ROBO2: variants seen among roughly 807,000 people sequenced by gnomAD.
ROBO2 encodes roundabout homolog 2.
ROBO2 carries 53 observed loss-of-function variants against 160.8 expected under a neutral mutation model. That is an observed-to-expected ratio of 0.33 (90% CI 0.26 to 0.41). The LOEUF is 0.41. Among genes scored for constraint, ROBO2 ranks in the 10% least tolerant of loss-of-function variants. The pLI is 1.00. For synonymous variants in ROBO2, 664 were observed against 611.7 expected (o/e 1.09, Z -1.26); for missense variants, 1,577 against 1,722.4 (o/e 0.92, Z 1.49).
chr3:76,232,357 A>T (rs539244532), intron 2 of ROBO2, among the ~76,000 whole-genome samples: 1 of 152,226 alleles, frequency 6.6e-6, no homozygotes, highest in Non-Finnish European at 1.5e-5. Context: ...ATTTAACTCC[A>T]TGGAGACACG....
chr3:76,657,801 T>TGTGTGTATATATATA (rs1340673511), intron 2 of ROBO2, among the ~76,000 whole-genome samples: 1 of 148,038 alleles, frequency 6.8e-6, no homozygotes, highest in Non-Finnish European at 1.5e-5. Flanking sequence ...TTCATATATA[T>TGTGTGTATATATATA]GTGTGTATAT....
At chr3:76,271,087 C>T (rs941305610) in intron 2 of ROBO2, among the ~76,000 whole-genome samples, 4 of 151,892 alleles carry the variant, frequency 2.6e-5, no homozygotes, top group African/African-American at 4.8e-5. Context: ...GTCCATCAAT[C>T]GGAAAGATGT....
At chr3:76,360,865 T>G (rs1043709990) in intron 2 of ROBO2, among the ~76,000 whole-genome samples, 2 of 151,996 alleles carry the variant, frequency 1.3e-5, no homozygotes, top group African/African-American at 4.8e-5. Flanking sequence ...ATTGTGAACA[T>G]GAGGATTAAA....
At chr3:77,558,207 G>T (rs2093195023) in intron 9 of ROBO2, 58 bp downstream of exon 10, 1 of 1,409,616 alleles carries the variant, frequency 7.1e-7, no homozygotes, top group African/African-American at 1.4e-5. Context: ...CTGCTCTATG[G>T]AAAAATTGCA....
In ROBO2 at chr3:77,313,998, C is replaced by T. The variant is rs536442662; in HGVS notation, c.389-163416C>T. Among the ~76,000 whole-genome samples, 33 of 152,340 alleles carry T rather than the reference C, an allele frequency of 2.2e-4. 1 individual carries two copies. The highest frequency in any genetic ancestry group is 1.3e-3 in the East Asian group (7 of 5,186). On this transcript the variant is annotated intron_variant, in intron 2 of 25. Coordinates refer to ENST00000461745, the Ensembl canonical transcript of ROBO2. ...GGCCTTGCTCTGGCATAAGTATTGA[C>T]TTTCCTTCAGTATCCAGGGTGAAGG...
intron 2 of ROBO2, among the ~76,000 whole-genome samples, chr3:76,141,113 C>T (rs2071627142): frequency 2.2e-5 from 1 of 46,198 alleles, no homozygotes; most frequent in African/African-American, 7.8e-5. Flanking sequence ...TATGAGCTAC[C>T]ATGCTCTCTC....
chr3:76,358,769 T>A (rs182526918), intron 2 of ROBO2, among the ~76,000 whole-genome samples: 1,621 of 152,068 alleles, frequency 0.011, 10 homozygotes, highest in Non-Finnish European at 0.014. Flanking sequence ...GTTTAAATTT[T>A]TTTTATTTTA....
intron 2 of ROBO2, among the ~76,000 whole-genome samples, chr3:76,109,630 T>C (rs530562077): frequency 6.6e-6 from 1 of 152,236 alleles, no homozygotes; most frequent in Admixed American, 6.6e-5. Context: ...GCTGTTCCCA[T>C]GTTTCTCTTG....
chr3:76,545,823 G>A (rs962076251), intron 2 of ROBO2, among the ~76,000 whole-genome samples: 6 of 151,388 alleles, frequency 4.0e-5, no homozygotes, highest in African/African-American at 1.5e-4. Context: ...CTAACATATT[G>A]TTAATAGTAA....
At chr3:76,406,056 A>T (rs2078106736) in intron 2 of ROBO2, among the ~76,000 whole-genome samples, 1 of 151,810 alleles carries the variant, frequency 6.6e-6, no homozygotes, top group Non-Finnish European at 1.5e-5. Context: ...CATAAAAATT[A>T]CATAAACCAA....
At chr3:76,411,707 A>G (rs1035096307) in intron 2 of ROBO2, among the ~76,000 whole-genome samples, 3 of 152,214 alleles carry the variant, frequency 2.0e-5, no homozygotes, top group Non-Finnish European at 4.4e-5. Context: ...TTCAGGTAGC[A>G]TAAATGCTGG....
intron 2 of ROBO2, among the ~76,000 whole-genome samples, chr3:76,348,672 C>A (rs1414719858): frequency 2.0e-5 from 3 of 152,000 alleles, no homozygotes; most frequent in African/African-American, 4.8e-5. Context: ...GAGGTACAAC[C>A]AATTATGTGC....
intron 2 of ROBO2, among the ~76,000 whole-genome samples, chr3:76,453,507 G>C (rs1242746069): frequency 6.6e-6 from 1 of 152,092 alleles, no homozygotes; most frequent in East Asian, 1.9e-4. Context: ...CATTATTTCT[G>C]AGGGCTCTGT....
At chr3:76,823,741 G>A (rs1452770789) in intron 2 of ROBO2, among the ~76,000 whole-genome samples, 1 of 152,146 alleles carries the variant, frequency 6.6e-6, no homozygotes, top group Non-Finnish European at 1.5e-5. Flanking sequence ...TATTTAATTG[G>A]ACAGACATTT....
chr3:76,331,889 G>A (rs1030940473), intron 2 of ROBO2, among the ~76,000 whole-genome samples: 1 of 151,682 alleles, frequency 6.6e-6, no homozygotes, highest in African/African-American at 2.4e-5. Context: ...TCACTATATC[G>A]GTCAGGCTGT....
chr3:76,037,446 CGGGG>C (rs2107744804), intron 2 of ROBO2, among the ~76,000 whole-genome samples: 1 of 151,590 alleles, frequency 6.6e-6, no homozygotes, highest in South Asian at 2.1e-4. Flanking sequence ...TTACTAGAGA[CGGGG>C]TTTCACTTGT....
At chr3:76,607,287 C>A (rs925819862) in intron 2 of ROBO2, among the ~76,000 whole-genome samples, 15 of 152,076 alleles carry the variant, frequency 9.9e-5, no homozygotes, top group African/African-American at 3.6e-4. Flanking sequence ...CCTCAGCCTC[C>A]TGAGTATCTG....
chr3:76,153,895 C>T (rs2072304670), intron 2 of ROBO2, among the ~76,000 whole-genome samples: 1 of 152,074 alleles, frequency 6.6e-6, no homozygotes, highest in African/African-American at 2.4e-5. Flanking sequence ...AACACAACTG[C>T]AGAGGAAGCT....
intron 2 of ROBO2, among the ~76,000 whole-genome samples, chr3:77,293,035 A>G (rs2061507594): frequency 6.6e-6 from 1 of 150,972 alleles, no homozygotes. Flanking sequence ...ACATAAAGTA[A>G]AATTGATGGT....
Sources: allele counts gnomAD v4.1 joint callset (sites outside exome capture counted in the v4.1 genomes callset), GRCh38; gene constraint gnomAD v4.1.1; transcripts MANE v1.5; gene names NCBI Gene and HGNC (gene_info 2026-07-23, HGNC 2026-07-21).